Variants in RIMS2 observed in about 807,000 individuals in gnomAD.
RIMS2 encodes the protein regulating synaptic membrane exocytosis protein 2.
A neutral mutation model predicts 174.4 loss-of-function variants in RIMS2; 59 were observed. The ratio of observed to expected loss-of-function variants is 0.34; its 90% confidence interval spans 0.27 to 0.42. RIMS2 has a LOEUF of 0.42. RIMS2 is among the 10% of genes least tolerant of loss of function. The pLI is 1.00. For synonymous variants in RIMS2, 606 were observed against 572.5 expected (o/e 1.06, Z -0.84); for missense variants, 1,620 against 1,666.3 (o/e 0.97, Z 0.48).
At chr8:103,810,470 TC>T (rs1435288229) in intron 3 of RIMS2, among the ~76,000 whole-genome samples, 1 of 152,180 alleles carries the variant, frequency 6.6e-6, no homozygotes, top group Non-Finnish European at 1.5e-5. Context: ...GACAATATAT[TC>T]TATTTTATGA....
At chr8:103,640,939 T>A (rs1008346200) in intron 1 of RIMS2, among the ~76,000 whole-genome samples, 2 of 152,136 alleles carry the variant, frequency 1.3e-5, no homozygotes, top group Non-Finnish European at 2.9e-5. Flanking sequence ...CAATTATTGA[T>A]AGCTGTGTAA....
At chr8:103,676,932 T>C (rs1045681037) in intron 1 of RIMS2, among the ~76,000 whole-genome samples, 1 of 152,124 alleles carries the variant, frequency 6.6e-6, no homozygotes, top group Non-Finnish European at 1.5e-5. Flanking sequence ...TGCAGTGAGC[T>C]GAGATTGTGC....
At chr8:103,918,445 A>T (rs770438149) in exon 9 of RIMS2, 1 of 1,578,318 alleles carries the variant, frequency 6.3e-7, no homozygotes, top group South Asian at 1.2e-5. Flanking sequence ...TTTCAGAGAT[A>T]TACCGCGAAT....
intron 19 of RIMS2, among the ~76,000 whole-genome samples, chr8:104,021,476 A>G (rs1347712432): frequency 2.6e-5 from 4 of 152,216 alleles, no homozygotes; most frequent in Non-Finnish European, 5.9e-5. Context: ...TATGTCGGCA[A>G]TCTGAAATAA....
intron 4 of RIMS2, among the ~76,000 whole-genome samples, chr8:103,894,706 ATTT>A (rs2099267356): frequency 2.0e-5 from 3 of 151,614 alleles, no homozygotes; most frequent in Non-Finnish European, 4.4e-5. Flanking sequence ...ATAGGTCTAT[ATTT>A]CAAAAATTAT....
At chr8:103,733,076 C>A (rs1271323692) in intron 2 of RIMS2, among the ~76,000 whole-genome samples, 1 of 152,092 alleles carries the variant, frequency 6.6e-6, no homozygotes, top group Non-Finnish European at 1.5e-5. Flanking sequence ...TCACTCAAGG[C>A]CCACAGCAGG....
chr8:104,162,769 A>G (rs764871334), intron 19 of RIMS2, among the ~76,000 whole-genome samples: 1 of 152,222 alleles, frequency 6.6e-6, no homozygotes, highest in Non-Finnish European at 1.5e-5. Context: ...AATAAACCAT[A>G]AAGAATTTAA....
intron 17 of RIMS2, among the ~76,000 whole-genome samples, chr8:103,994,058 A>G (rs2094909190): frequency 6.6e-6 from 1 of 151,414 alleles, no homozygotes; most frequent in Non-Finnish European, 1.5e-5. Flanking sequence ...CTCAAAAAAA[A>G]AAAAAAAAAA....
chr8:103,682,339 A>G (rs982938701), intron 1 of RIMS2, among the ~76,000 whole-genome samples: 1 of 152,134 alleles, frequency 6.6e-6, no homozygotes, highest in Non-Finnish European at 1.5e-5. Context: ...GGAGAAAGAA[A>G]ATGAAAGGAC....
At chr8:104,100,280 A>G (rs888530373) in intron 19 of RIMS2, among the ~76,000 whole-genome samples, 16 of 152,168 alleles carry the variant, frequency 1.1e-4, no homozygotes, top group African/African-American at 3.6e-4. Flanking sequence ...TAGAAATACA[A>G]TTAATTTTTG....
chr8:104,241,816 A>G (rs3133283), intron 19 of RIMS2, among the ~76,000 whole-genome samples: 45,249 of 151,916 alleles, frequency 0.3, 7,103 homozygotes, highest in African/African-American at 0.36. Context: ...CTGGAGTGCA[A>G]TGGTGCAATT....
At chr8:104,133,147 A>G (rs779117044) in intron 19 of RIMS2, among the ~76,000 whole-genome samples, 2 of 152,346 alleles carry the variant, frequency 1.3e-5, no homozygotes, top group African/African-American at 2.4e-5. Flanking sequence ...TCTGCCCTTC[A>G]TGTTCCACAT....
chr8:104,255,226 G>A (rs2099366206), downstream of RIMS2: 1 of 151,330 alleles, frequency 6.6e-6, no homozygotes, highest in Non-Finnish European at 1.5e-5. Flanking sequence ...CCCTACTCTA[G>A]TGAATTGTTT....
At chr8:104,068,959 G>A (rs984956493) in intron 19 of RIMS2, among the ~76,000 whole-genome samples, 3 of 152,072 alleles carry the variant, frequency 2.0e-5, no homozygotes, top group African/African-American at 7.2e-5. Context: ...TATTTTAATG[G>A]AATCTGGTTT....
intron 4 of RIMS2, among the ~76,000 whole-genome samples, chr8:103,893,559 C>G (rs1325904063): frequency 6.6e-6 from 1 of 152,026 alleles, no homozygotes; most frequent in Admixed American, 6.6e-5. Context: ...TTTGTGGGCA[C>G]AATTCAGCCC....
At chr8:104,058,890 G>A (rs189450251) in intron 19 of RIMS2, among the ~76,000 whole-genome samples, 150 of 152,188 alleles carry the variant, frequency 9.9e-4, no homozygotes, top group African/African-American at 3.4e-3. Context: ...GATATGCGGC[G>A]TTATTTCTGA....
intron 19 of RIMS2, among the ~76,000 whole-genome samples, chr8:104,229,607 T>C (rs893866814): frequency 1.3e-5 from 2 of 152,156 alleles, no homozygotes; most frequent in Non-Finnish European, 2.9e-5. Context: ...TGCCGTTGAT[T>C]CTGTCTTTGC....
rs2098916579 is a variant in RIMS2, at chr8:104,178,135, C to T, written c.3335-66781C>T. ...AGAAAGAAGTTCAGACACAGTGTGG[C>T]TCAGCTGGTTCTCTGCTTAGAATCT... On this transcript the variant is annotated intron_variant, in intron 19 of 23. Transcript: ENST00000504942. Among the ~76,000 whole-genome samples, 7 of 152,274 alleles carry T rather than the reference C, an allele frequency of 4.6e-5. No homozygotes were observed. The South Asian group carries it at 1.4e-3, about 32-fold the overall frequency.
intron 19 of RIMS2, chr8:104,223,513 G>T (rs2099166324): frequency 1.4e-6 from 2 of 1,404,086 alleles, no homozygotes; most frequent in Non-Finnish European, 9.2e-7. Flanking sequence ...GGTCAGGGAG[G>T]CAGGGGCCAG....
Sources: allele counts gnomAD v4.1 joint callset (sites outside exome capture counted in the v4.1 genomes callset), GRCh38; gene constraint gnomAD v4.1.1; transcripts MANE v1.5; gene names NCBI Gene and HGNC (gene_info 2026-07-23, HGNC 2026-07-21).